Variants in AGBL4 observed in about 807,000 individuals in gnomAD.
AGBL4 encodes cytosolic carboxypeptidase 6.
In AGBL4, 58 loss-of-function variants were observed where a neutral mutation model predicts 66.4. The ratio of observed to expected loss-of-function variants is 0.87; its 90% CI spans 0.71 to 1.09. AGBL4 has a LOEUF of 1.09. AGBL4 is among the 50% of genes least tolerant of loss of function. AGBL4 has a pLI of 0.00. For synonymous variants in AGBL4, 234 were observed against 222.9 expected, an observed-to-expected ratio of 1.05 and a Z score of -0.44; for missense variants, 579 against 631.0, an observed-to-expected ratio of 0.92 and a Z score of 0.88.
intron 3 of AGBL4, among the ~76,000 whole-genome samples, chr1:49,452,155 G>A (rs952514178): frequency 4.0e-5 from 6 of 151,778 alleles, no homozygotes; most frequent in East Asian, 1.9e-4. Flanking sequence ...GTATTAAAAC[G>A]TTCGGATTTC....
intron 8 of AGBL4, among the ~76,000 whole-genome samples, chr1:48,648,239 T>G (rs991907401): frequency 1.3e-5 from 2 of 152,212 alleles, no homozygotes; most frequent in Non-Finnish European, 2.9e-5. Context: ...TCCCAGCCCC[T>G]GGTAACCACC....
At chr1:48,946,327 T>G (rs1656503056) in intron 5 of AGBL4, among the ~76,000 whole-genome samples, 1 of 152,232 alleles carries the variant, frequency 6.6e-6, no homozygotes, top group Non-Finnish European at 1.5e-5. Context: ...GCTGAATGAA[T>G]GGACAAATAA....
intron 4 of AGBL4, among the ~76,000 whole-genome samples, chr1:49,176,771 C>G (rs1343255259): frequency 6.6e-6 from 1 of 152,090 alleles, no homozygotes; most frequent in Non-Finnish European, 1.5e-5. Flanking sequence ...CTGATCACTC[C>G]TGGGTACTAT....
intron 3 of AGBL4, among the ~76,000 whole-genome samples, chr1:49,315,393 T>C (rs940949040): frequency 2.0e-5 from 3 of 152,052 alleles, no homozygotes; most frequent in Non-Finnish European, 4.4e-5. Flanking sequence ...AATTGACAAA[T>C]GGGATCTAGT....
intron 3 of AGBL4, among the ~76,000 whole-genome samples, chr1:49,460,847 C>A (rs975455985): frequency 1.3e-5 from 2 of 151,666 alleles, no homozygotes; most frequent in African/African-American, 4.8e-5. Context: ...ATCTTTCCTT[C>A]ATTTATGAAG....
intron 6 of AGBL4, among the ~76,000 whole-genome samples, chr1:48,785,792 G>A (rs1288513324): frequency 6.6e-6 from 1 of 152,056 alleles, no homozygotes; most frequent in Non-Finnish European, 1.5e-5. Flanking sequence ...TGTTGTTGTT[G>A]GCTGGAAGTC....
chr1:48,895,078 G>A (rs1306283289), intron 5 of AGBL4, among the ~76,000 whole-genome samples: 1 of 152,204 alleles, frequency 6.6e-6, no homozygotes, highest in Non-Finnish European at 1.5e-5. Flanking sequence ...GTATCAGAGG[G>A]ATTTTAGGGC....
At chr1:49,184,872 G>A (rs1198834415) in intron 4 of AGBL4, among the ~76,000 whole-genome samples, 1 of 152,150 alleles carries the variant, frequency 6.6e-6, no homozygotes, top group African/African-American at 2.4e-5. Context: ...CAATGAAAAT[G>A]TCCTATAAAA....
chr1:49,749,938 T>G (rs536256190), intron 2 of AGBL4, among the ~76,000 whole-genome samples: 3 of 152,152 alleles, frequency 2.0e-5, no homozygotes, highest in Non-Finnish European at 4.4e-5. Context: ...CAAGACAGTT[T>G]GGTATTTCAA....
intron 5 of AGBL4, among the ~76,000 whole-genome samples, chr1:48,938,703 T>C (rs1026308671): frequency 1.9e-4 from 29 of 152,218 alleles, no homozygotes; most frequent in Admixed American, 1.8e-3. Flanking sequence ...TTGCATATAC[T>C]CTTTTCTCTG....
At chr1:49,314,644 G>T (rs1645005937) in intron 3 of AGBL4, among the ~76,000 whole-genome samples, 2 of 152,048 alleles carry the variant, frequency 1.3e-5, no homozygotes, top group Non-Finnish European at 2.9e-5. Flanking sequence ...TGAGCATTTT[G>T]GTTGTTTCCA....
chr1:49,327,997 GA>G (rs1211212332), intron 3 of AGBL4, among the ~76,000 whole-genome samples: 3 of 152,132 alleles, frequency 2.0e-5, no homozygotes, highest in African/African-American at 7.2e-5. Flanking sequence ...TTTGAAAAAG[GA>G]GACAAATATT....
intron 3 of AGBL4, among the ~76,000 whole-genome samples, chr1:49,605,819 G>A (rs533462219): frequency 1.3e-5 from 2 of 151,884 alleles, no homozygotes; most frequent in East Asian, 1.9e-4. Flanking sequence ...TACAGAAAGC[G>A]AAATACTAAA....
chr1:48,921,737 A>T (rs909955922), intron 5 of AGBL4, among the ~76,000 whole-genome samples: 2 of 152,216 alleles, frequency 1.3e-5, no homozygotes, highest in African/African-American at 2.4e-5. Flanking sequence ...GGAGGTAAAT[A>T]ACTTTCCCAT....
chr1:49,580,755 CT>C (rs1208710361), intron 3 of AGBL4, among the ~76,000 whole-genome samples: 1 of 152,148 alleles, frequency 6.6e-6, no homozygotes, highest in African/African-American at 2.4e-5. Context: ...GGGTAGTCCA[CT>C]GTGAGTCACA....
At chr1:49,395,003 G>A (rs1435492852) in intron 3 of AGBL4, among the ~76,000 whole-genome samples, 2 of 151,954 alleles carry the variant, frequency 1.3e-5, no homozygotes, top group Non-Finnish European at 2.9e-5. Context: ...CAATGCCCCT[G>A]TTCTAGAAGG....
intron 3 of AGBL4, among the ~76,000 whole-genome samples, chr1:49,423,625 C>T (rs910507139): frequency 1.3e-5 from 2 of 152,002 alleles, no homozygotes; most frequent in Admixed American, 1.3e-4. Flanking sequence ...GCCTCGCCAA[C>T]AGGATGAAAC....
chr1:48,596,111 C>T (rs982031442), intron 9 of AGBL4, among the ~76,000 whole-genome samples: 46 of 152,296 alleles, frequency 3.0e-4, no homozygotes, highest in African/African-American at 9.1e-4. Flanking sequence ...GTGGCAGAGT[C>T]GGGACTGAAA....
chr1:49,523,355 T>A (rs745994156), intron 3 of AGBL4, among the ~76,000 whole-genome samples: 2 of 152,074 alleles, frequency 1.3e-5, no homozygotes, highest in Non-Finnish European at 2.9e-5. Context: ...TCTGGACAAG[T>A]CCCTGAAGTT....
Sources: allele counts gnomAD v4.1 joint callset (sites outside exome capture counted in the v4.1 genomes callset), GRCh38; gene constraint gnomAD v4.1.1; transcripts MANE v1.5; gene names NCBI Gene and HGNC (gene_info 2026-07-23, HGNC 2026-07-21).